HSP90AB1: variants seen among roughly 807,000 people sequenced by gnomAD.
HSP90AB1 encodes the protein heat shock protein HSP 90-beta.
In HSP90AB1, 17 loss-of-function variants were observed where a neutral mutation model predicts 67.8. The observed-to-expected ratio is 0.25, with a 90% CI of 0.17 to 0.38. The LOEUF (loss-of-function observed/expected upper bound fraction) is 0.38. Ranked by LOEUF, HSP90AB1 falls within the 10% of genes least tolerant of loss-of-function variation. HSP90AB1 has a pLI of 1.00. For synonymous variants in HSP90AB1, 390 were observed against 312.9 expected (o/e 1.25, Z -2.60); for missense variants, 690 against 899.9 (o/e 0.77, Z 2.98).
chr6:44,246,266 A>T (rs956129047), upstream of HSP90AB1: 1 of 151,952 alleles, frequency 6.6e-6, no homozygotes, highest in Non-Finnish European at 1.5e-5. Context: ...TGACGCGGGG[A>T]AGGAGGGGTC....
At position 44,252,250 on chromosome 6, in the gene HSP90AB1, G is replaced by C; in HGVS notation, c.1714G>C (p.Asp572His). 6.2e-7 allele frequency: 1 copy of C among 1,613,768 alleles called. No homozygotes were observed. The highest frequency in any genetic ancestry group is 8.5e-7 in the Non-Finnish European group (1 of 1,179,980). Residue 572 changes from aspartate to histidine, a missense_variant, in exon 10 of 12, where the codon GAT becomes CAT. Coordinates refer to ENST00000371646, the MANE Select transcript of HSP90AB1 (RefSeq NM_007355.4). Reference sequence around the variant, plus strand: ...CTGCAAGCTCATGAAAGAAATCTTAGATAAGAAGGTTGAGAAGGTAAGCCA... The same window carrying C: ...CTGCAAGCTCATGAAAGAAATCTTACATAAGAAGGTTGAGAAGGTAAGCCA... The part of the protein sequence containing the change: ...NLCKLMKEIL[D>H]KKVEKVTISN...
Position 44,250,399 on chromosome 6 carries a change from G to A in HSP90AB1, c.757G>A (p.Val253Met), listed in dbSNP as rs1561899344. 2 of 1,613,692 alleles carry A rather than the reference G, an allele frequency of 1.2e-6. No individual in the cohort carries two copies. Among genetic ancestry groups the A allele is most frequent in the Non-Finnish European group, 8.5e-7 (1 of 1,179,696 alleles). ...DDEEKPKIED[V>M]GSDEEDDSGK... Reference sequence around the variant, plus strand: ...TGAAGAAAAACCCAAGATCGAAGATGTGGGTTCAGATGAGGAGGATGACAG... The same window carrying A: ...TGAAGAAAAACCCAAGATCGAAGATATGGGTTCAGATGAGGAGGATGACAG... The change falls in exon 6 of 12, where the codon GTG becomes ATG. Residue 253 changes from valine to methionine, a missense_variant. Val to Met is a conservative substitution (Grantham distance 21). Around this residue, in one of 7 missense-constraint regions of HSP90AB1, gnomAD observed 146 missense variants for 143.7 expected, o/e 1.02. Coordinates refer to ENST00000371646, the MANE Select transcript of HSP90AB1 (RefSeq NM_007355.4).
chr6:44,252,613 A>AG (rs1231212958), intron 10 of HSP90AB1, among the ~76,000 whole-genome samples: 1 of 151,802 alleles, frequency 6.6e-6, no homozygotes, highest in Non-Finnish European at 1.5e-5. Flanking sequence ...CTCCTGCCTT[A>AG]GCCTCCTGAG....
At chr6:44,252,798 ATTTT>A (rs35658356) in intron 10 of HSP90AB1, among the ~76,000 whole-genome samples, 1 of 144,490 alleles carries the variant, frequency 6.9e-6, no homozygotes. Flanking sequence ...TGCCTGGCCG[ATTTT>A]TTTTTTTTTT....
chr6:44,252,301 A>C (rs1424639420), intron 10 of HSP90AB1, 34 bp downstream of exon 10: 2 of 1,595,314 alleles, frequency 1.3e-6, no homozygotes, highest in Non-Finnish European at 1.7e-6. Context: ...ATATTTTGTA[A>C]CATCTTCGAG....
Position 44,251,398 on chromosome 6 carries a change from C to T in HSP90AB1, c.1124-20C>T. 6.3e-7 allele frequency: 1 copy of T among 1,595,136 alleles called. No individual in the cohort carries two copies. The highest frequency in any genetic ancestry group is 8.6e-7 in the Non-Finnish European group (1 of 1,169,540). The stretch of plus-strand genomic sequence containing the variant: ...GTCTAGCTGTTTTTTACTGAGCTTT[C>T]TCACCCTGGTTGATGGCAGATTTTA... On this transcript the variant is annotated intron_variant, in intron 7 of 11. Coordinates refer to ENST00000371646, the MANE Select transcript of HSP90AB1 (RefSeq NM_007355.4).
chr6:44,246,623 G>C (rs975189587), upstream of HSP90AB1, among the ~76,000 whole-genome samples: 10 of 152,216 alleles, frequency 6.6e-5, no homozygotes, highest in African/African-American at 2.4e-4. Context: ...CCCAAGGTTG[G>C]GTCCCGAATG....
Position 44,251,406 on chromosome 6 carries a change from G to T in HSP90AB1, c.1124-12G>T, listed in dbSNP as rs754516272. 6.3e-7 allele frequency: 1 copy of T among 1,598,060 alleles called. No homozygotes were observed. Among genetic ancestry groups the T allele is most frequent in the Non-Finnish European group, 8.5e-7 (1 of 1,171,042 alleles). On this transcript the variant is annotated splice_polypyrimidine_tract_variant and intron_variant, in intron 7 of 11. Transcript: ENST00000371646. ...GTTTTTTACTGAGCTTTCTCACCCTGGTTGATGGCAGATTTTATCCGTGGT... is the reference window on the plus strand; with the variant it reads ...GTTTTTTACTGAGCTTTCTCACCCTTGTTGATGGCAGATTTTATCCGTGGT...
intron 2 of HSP90AB1, 91 bp from the exon 3 acceptor site, chr6:44,249,286 C>T (rs1364846673): frequency 8.8e-6 from 9 of 1,027,448 alleles, no homozygotes; most frequent in East Asian, 4.9e-5. Context: ...CTGCAGTGAG[C>T]TGTCATCCTT....
intron 9 of HSP90AB1, 53 bp from the exon 10 acceptor site, chr6:44,251,946 G>A: frequency 6.2e-7 from 1 of 1,613,278 alleles, no homozygotes; most frequent in Non-Finnish European, 8.5e-7. Flanking sequence ...GGCTTCCTGG[G>A]AACTGGCAGT....
chr6:44,253,718 CCT>C lies in HSP90AB1; in HGVS notation c.*124_*125del. The C allele has an allele frequency of 1.2e-6, 1 of 804,372 alleles. No homozygotes were observed. The highest frequency in any genetic ancestry group is 1.3e-5 in the South Asian group (1 of 74,282). 49.8% of individuals were successfully genotyped at this position (804,372 alleles called of 1,614,324 possible). A position where few individuals can be genotyped will look rare whatever the true frequency, so the allele number is the denominator to read the frequency against. On this transcript the variant is annotated 3_prime_UTR_variant, in exon 12 of 12. Transcript: ENST00000371646. Reference sequence around the variant, plus strand: ...CCTGCTGGTGTCTAGTGTTTTTTTCCCTCTCCTGTCCTTGTGTTGAAGGCAGT... The same window carrying C: ...CCTGCTGGTGTCTAGTGTTTTTTTCCCTCCTGTCCTTGTGTTGAAGGCAGT...
At position 44,249,385 on chromosome 6, in the gene HSP90AB1, C is replaced by T; in HGVS notation, c.156C>T (p.Asp52=). 6.2e-7 allele frequency: 1 copy of T among 1,613,562 alleles called. No individual in the cohort carries two copies. The highest frequency in any genetic ancestry group is 8.5e-7 in the Non-Finnish European group (1 of 1,179,518). The change falls in exon 3 of 12, where the codon GAC becomes GAT. Residue 52 remains aspartate (D), a synonymous_variant. Transcript: ENST00000371646. ...GCTGTTTGTATTTCCAGGCCTTGGA[C>T]AAGATTCGCTATGAGAGCCTGACAG... ...ELISNASDAL[D]KIRYESLTDP... is the part of the protein sequence containing the mutation.
chr6:44,251,345 TTC>T, intron 7 of HSP90AB1, 71 bp from the exon 8 acceptor site: 1 of 1,538,040 alleles, frequency 6.5e-7, no homozygotes. Context: ...TATTAGAGCC[TTC>T]TGTTTGAATC....
At chr6:44,252,367 T>TA in intron 10 of HSP90AB1, 100 bp downstream of exon 10, 2 of 1,058,258 alleles carry the variant, frequency 1.9e-6, no homozygotes, top group Non-Finnish European at 2.8e-6. Context: ...GCAGCCTATT[T>TA]ACTGTTTCAT....
In HSP90AB1 at chr6:44,253,716, T is replaced by C. The variant is rs567895542; in HGVS notation, c.*118T>C. The C allele has an allele frequency of 2.3e-5, 19 of 813,600 alleles. No homozygotes were observed. Among genetic ancestry groups the C allele is most frequent in the African/African-American group, 8.4e-5 (5 of 59,796 alleles). 50.4% of individuals were successfully genotyped at this position (813,600 alleles called of 1,614,324 possible). A position where few individuals can be genotyped will look rare whatever the true frequency, so the allele number is the denominator to read the frequency against. On this transcript the variant is annotated 3_prime_UTR_variant, in exon 12 of 12. Transcript: ENST00000371646. Reference sequence around the variant, plus strand: ...CCCCTGCTGGTGTCTAGTGTTTTTTTCCCTCTCCTGTCCTTGTGTTGAAGG... The same window carrying C: ...CCCCTGCTGGTGTCTAGTGTTTTTTCCCCTCTCCTGTCCTTGTGTTGAAGG...
At position 44,252,798 on chromosome 6, in the gene HSP90AB1, ATT is replaced by A. The variant is rs35658356; in HGVS notation, c.1732-234_1732-233del. On this transcript the variant is annotated intron_variant, in intron 10 of 11. Coordinates refer to ENST00000371646, the MANE Select transcript of HSP90AB1 (RefSeq NM_007355.4). ...AGGCGCAAGCCACCATGCCTGGCCG[ATT>A]TTTTTTTTTTTTGGACTGGATCTCG... Among the ~76,000 whole-genome samples the A allele has an allele frequency of 4.0e-3, 585 of 144,482 alleles. 4 individuals are homozygous for A. Among genetic ancestry groups the A allele is most frequent in the African/African-American group, 0.013 (513 of 39,540 alleles). The allele number at this position is 144,482 out of a possible 152,430, so 94.8% of individuals were successfully genotyped here. A position where few individuals can be genotyped will look rare whatever the true frequency, so the allele number is the denominator to read the frequency against.
chr6:44,251,671 C>T (rs1425725514), intron 8 of HSP90AB1, 63 bp downstream of exon 8: 3 of 1,588,538 alleles, frequency 1.9e-6, no homozygotes, highest in Non-Finnish European at 2.6e-6. Flanking sequence ...TAAATTATTC[C>T]ATTCACATTG....
intron 2 of HSP90AB1, among the ~76,000 whole-genome samples, 156 bp from the exon 3 acceptor site, chr6:44,249,221 C>T (rs538852817): frequency 2.0e-4 from 31 of 152,240 alleles, no homozygotes; most frequent in Admixed American, 1.7e-3. Context: ...GCCTGTAGTC[C>T]CAGCTACTTG....
At chr6:44,246,726 G>A (rs764037715), upstream of HSP90AB1, among the ~76,000 whole-genome samples, 1 of 152,208 alleles carries the variant, frequency 6.6e-6, no homozygotes, top group Non-Finnish European at 1.5e-5. Flanking sequence ...AGCTGCCTCC[G>A]CTCTTTTTCG....
Sources: allele counts gnomAD v4.1 joint callset (sites outside exome capture counted in the v4.1 genomes callset), GRCh38; gene constraint gnomAD v4.1.1; regional missense constraint gnomAD v4.1.1; transcripts MANE v1.5; gene names NCBI Gene and HGNC (gene_info 2026-07-23, HGNC 2026-07-21).